The following RREB1 variants were observed in gnomAD, a reference collection of about 807,000 sequenced individuals.
RREB1 encodes ras-responsive element-binding protein 1.
Under a neutral mutation model 117.8 loss-of-function variants are expected in RREB1, and 27 were observed. The ratio of observed to expected loss-of-function variants is 0.23; its 90% CI spans 0.17 to 0.32. RREB1 has a LOEUF of 0.32. RREB1 is among the 10% of genes least tolerant of loss of function. RREB1 has a pLI of 1.00. For missense variants in RREB1, 2,577 were observed against 2,378.2 expected, an observed-to-expected ratio of 1.08 and a Z score of -1.74; for synonymous variants, 1,298 against 1,026.7, an observed-to-expected ratio of 1.26 and a Z score of -5.05.
chr6:7,149,967 G>A (rs1763041350), intron 1 of RREB1, among the ~76,000 whole-genome samples: 1 of 151,052 alleles, frequency 6.6e-6, no homozygotes, highest in East Asian at 1.9e-4. Flanking sequence ...GGGATTATAG[G>A]CGTGGGCCAC....
At chr6:7,179,698 C>T (rs1333762923) in intron 2 of RREB1, among the ~76,000 whole-genome samples, 2 of 152,110 alleles carry the variant, frequency 1.3e-5, no homozygotes, top group South Asian at 2.1e-4. Context: ...TGTGTACACA[C>T]TCATGTATGC....
rs3851533 is a variant in RREB1 at position 7,158,386 on chromosome 6, A to T, written c.-284-18269A>T. ...AAACAGGTTTTCTTAAAACTCTTAC[A>T]TCACTTTTCTCAGCCTACACCCCCT... On this transcript the variant is annotated intron_variant, in intron 1 of 12. Coordinates refer to ENST00000379938, the MANE Select transcript of RREB1 (RefSeq NM_001003699.4). Among the ~76,000 whole-genome samples, 484 of 152,096 alleles carry T rather than the reference A, an allele frequency of 3.2e-3. 27 individuals carry two copies. The East Asian group carries it at 0.081, about 25-fold the overall frequency.
chr6:7,233,277 A>T (rs1261516386), intron 10 of RREB1, among the ~76,000 whole-genome samples: 1 of 152,216 alleles, frequency 6.6e-6, no homozygotes, highest in Non-Finnish European at 1.5e-5. Context: ...ACTTTAAATA[A>T]TTTTGTTATC....
At chr6:7,160,121 C>CA (rs1763576861) in intron 1 of RREB1, among the ~76,000 whole-genome samples, 1 of 133,644 alleles carries the variant, frequency 7.5e-6, no homozygotes, top group South Asian at 2.2e-4. Flanking sequence ...TTCTTTTTTG[C>CA]ATTTTTTTTT....
intron 8 of RREB1, chr6:7,217,415 T>TGCAGGGA (rs1766966331): frequency 6.6e-6 from 1 of 152,256 alleles, no homozygotes; most frequent in African/African-American, 2.4e-5. Context: ...TGATGAGGGT[T>TGCAGGGA]GCAGGGAGCA....
intron 1 of RREB1, among the ~76,000 whole-genome samples, chr6:7,126,235 C>T (rs962290943): frequency 1.3e-5 from 2 of 151,860 alleles, no homozygotes; most frequent in Admixed American, 6.6e-5. Context: ...CTGCTGACCT[C>T]GTGATCCGCC....
At chr6:7,234,268 T>G (rs1334384718) in intron 10 of RREB1, among the ~76,000 whole-genome samples, 1 of 152,186 alleles carries the variant, frequency 6.6e-6, no homozygotes, top group East Asian at 1.9e-4. Context: ...TATCGCCTAC[T>G]GAGAGTTTAT....
chr6:7,236,094 T>C (rs1226557693), intron 10 of RREB1, among the ~76,000 whole-genome samples: 1 of 151,990 alleles, frequency 6.6e-6, no homozygotes, highest in East Asian at 1.9e-4. Flanking sequence ...AACGCGCCAC[T>C]CCATAGGAGA....
intron 6 of RREB1, 128 bp from the exon 7 acceptor site, chr6:7,210,676 A>G (rs1766528782): frequency 4.2e-6 from 3 of 714,768 alleles, no homozygotes. Context: ...AAGTCACTGT[A>G]TAAATTATAC....
chr6:7,210,040 G>T (rs1388828669), intron 6 of RREB1, among the ~76,000 whole-genome samples: 1 of 152,202 alleles, frequency 6.6e-6, no homozygotes, highest in Non-Finnish European at 1.5e-5. Flanking sequence ...TTGGGACCTT[G>T]TTCTTAGAAT....
At chr6:7,151,115 C>T (rs539604532) in intron 1 of RREB1, among the ~76,000 whole-genome samples, 2 of 152,270 alleles carry the variant, frequency 1.3e-5, no homozygotes, top group African/African-American at 2.4e-5. Context: ...AAAGATACTG[C>T]GGAAATTTGT....
chr6:7,230,796 C>A lies in RREB1; in HGVS notation c.2697C>A (p.Pro899=). The A allele has an allele frequency of 6.2e-7, 1 of 1,614,120 alleles. No individual in the cohort carries two copies. The highest frequency in any genetic ancestry group is 1.3e-5 in the African/African-American group (1 of 75,064). The change falls in exon 10 of 13, where the codon CCC becomes CCA. Residue 899 remains proline (P), a synonymous_variant. Coordinates refer to ENST00000379938, the MANE Select transcript of RREB1 (RefSeq NM_001003699.4). ...ASSFAVDFNE[P]LDFSQKGLAL... Reference sequence around the variant, plus strand: ...GCTTTGCGGTGGACTTCAATGAGCCCCTGGACTTCTCGCAGAAGGGCCTGG... The same window carrying A: ...GCTTTGCGGTGGACTTCAATGAGCCACTGGACTTCTCGCAGAAGGGCCTGG...
intron 6 of RREB1, among the ~76,000 whole-genome samples, chr6:7,194,377 A>G (rs1055853085): frequency 1.3e-5 from 2 of 152,020 alleles, no homozygotes; most frequent in Non-Finnish European, 2.9e-5. Flanking sequence ...TAACAATATC[A>G]TGTCTCTACT....
At chr6:7,120,632 A>G (rs1027096546) in intron 1 of RREB1, among the ~76,000 whole-genome samples, 1 of 150,974 alleles carries the variant, frequency 6.6e-6, no homozygotes, top group African/African-American at 2.4e-5. Flanking sequence ...TTTCTTGTAG[A>G]TGGTCTGAGC....
intron 2 of RREB1, among the ~76,000 whole-genome samples, chr6:7,177,909 G>A (rs1242698700): frequency 6.6e-6 from 1 of 152,182 alleles, no homozygotes; most frequent in Non-Finnish European, 1.5e-5. Context: ...TTTTAGGGGA[G>A]ACGGGGTTTT....
chr6:7,128,373 T>C (rs1463852088), intron 1 of RREB1, among the ~76,000 whole-genome samples: 1 of 152,062 alleles, frequency 6.6e-6, no homozygotes, highest in Admixed American at 6.6e-5. Context: ...GGAGGGGAGC[T>C]GGGTTGGAGG....
In RREB1 at chr6:7,246,690, C is replaced by T; in HGVS notation, c.4240C>T (p.Gln1414Ter). The T allele has an allele frequency of 6.3e-7, 1 of 1,584,296 alleles. No homozygotes were observed. The highest frequency in any genetic ancestry group is 8.6e-7 in the Non-Finnish European group (1 of 1,165,634). ...DGAEEDASSNQSLDLDFATKL... is the reference protein window; with the variant it reads ...DGAEEDASSN Reference sequence around the variant, plus strand: ...CGCGGAAGAGGACGCGTCGAGCAACCAGAGCCTGGACCTGGACTTCGCCAC... The same window carrying T: ...CGCGGAAGAGGACGCGTCGAGCAACTAGAGCCTGGACCTGGACTTCGCCAC... The change falls in exon 12 of 13, where the codon CAG (glutamine) becomes TAG (stop). Residue 1414 changes from glutamine to a stop codon, truncating the protein, a stop_gained. Coordinates refer to ENST00000379938, the MANE Select transcript of RREB1 (RefSeq NM_001003699.4). LOFTEE classifies it high-confidence loss of function.
intron 8 of RREB1, chr6:7,217,339 T>C (rs949808599): frequency 3.3e-5 from 5 of 152,020 alleles, no homozygotes; most frequent in Non-Finnish European, 5.9e-5. Context: ...GAGGAAGGAA[T>C]TCAGTATCTG....
chr6:7,197,297 G>A (rs146860604), intron 6 of RREB1, among the ~76,000 whole-genome samples: 3 of 152,336 alleles, frequency 2.0e-5, no homozygotes, highest in African/African-American at 7.2e-5. Flanking sequence ...ATTCTAAAGA[G>A]TTGTGGAGCA....
Sources: allele counts gnomAD v4.1 joint callset (sites outside exome capture counted in the v4.1 genomes callset), GRCh38; gene constraint gnomAD v4.1.1; transcripts MANE v1.5; gene names NCBI Gene and HGNC (gene_info 2026-07-23, HGNC 2026-07-21).